Variants in TYRP1 observed in about 807,000 individuals in gnomAD.
The protein encoded by TYRP1 is 5,6-dihydroxyindole-2-carboxylic acid oxidase.
Under a neutral mutation model 42.8 loss-of-function variants are expected in TYRP1, and 49 were observed. That is an observed-to-expected ratio of 1.14 (90% CI 0.91 to 1.45). The LOEUF is 1.45. Ranked by LOEUF, TYRP1 falls within the 40% of genes most tolerant of loss-of-function variation. The pLI, the probability that TYRP1 is intolerant of heterozygous loss-of-function variation, is 0.00. For missense variants in TYRP1, 848 were observed against 662.0 expected, an observed-to-expected ratio of 1.28 and a Z score of -3.08; for synonymous variants, 279 against 235.4, an observed-to-expected ratio of 1.19 and a Z score of -1.69.
intron 4 of TYRP1, among the ~76,000 whole-genome samples, chr9:12,701,015 G>C (rs754430241): frequency 2.6e-5 from 4 of 151,980 alleles, no homozygotes; most frequent in Non-Finnish European, 5.9e-5. Context: ...AATATGAGTT[G>C]AAGTTGTAAA....
In TYRP1 at chr9:12,698,523, T is replaced by C. The variant is rs370404984; in HGVS notation, c.781T>C (p.Cys261Arg). 3.7e-6 allele frequency: 6 copies of C among 1,613,758 alleles called. No homozygotes were observed. The South Asian group carries it at 6.6e-5, about 18-fold the overall frequency. ...AACGGGGAAAAATGTCTGTGATATC[T>C]GCACGGATGACTTGATGGGATCCAG... ...FATGKNVCDI[C>R]TDDLMGSRSN... is the part of the protein sequence containing the mutation. The change falls in exon 4 of 8, where the codon TGC (cysteine) becomes CGC (arginine). Residue 261 changes from cysteine (C) to arginine (R), a missense_variant. By Grantham distance (180) the Cys-to-Arg change is radical. Coordinates refer to ENST00000388918, the MANE Select transcript of TYRP1 (RefSeq NM_000550.3).
At chr9:12,708,915 C>T (rs1818306212) in intron 7 of TYRP1, 62 bp from the exon 8 acceptor site, 1 of 1,419,774 alleles carries the variant, frequency 7.0e-7, no homozygotes, top group African/African-American at 1.4e-5. Context: ...TTCATCTGTC[C>T]ACTTTTTGGT....
intron 3 of TYRP1, 102 bp from the exon 4 acceptor site, chr9:12,698,349 C>A: frequency 8.6e-7 from 1 of 1,161,146 alleles, no homozygotes; most frequent in Non-Finnish European, 1.3e-6. Context: ...ACCTTATTGT[C>A]TGAAGAGAGC....
chr9:12,698,275 A>T (rs1294430478), intron 3 of TYRP1, among the ~76,000 whole-genome samples, 176 bp from the exon 4 acceptor site: 1 of 152,142 alleles, frequency 6.6e-6, no homozygotes, highest in Non-Finnish European at 1.5e-5. Context: ...ATAAATTACC[A>T]GCTTTGTTAA....
At position 12,708,063 on chromosome 9, in the gene TYRP1, T is replaced by C. The variant is rs1818288930; in HGVS notation, c.1328T>C (p.Phe443Ser). ...AATAGACAATACAACATGGTGCCAT[T>C]CTGGCCCCCAGTCACCAACACAGAA... ...GHNRQYNMVP[F>S]WPPVTNTEMF... The change falls in exon 7 of 8, where the codon TTC becomes TCC. Residue 443 changes from phenylalanine (F) to serine (S), a missense_variant. Coordinates refer to ENST00000388918, the MANE Select transcript of TYRP1 (RefSeq NM_000550.3). 2 of 1,612,716 alleles carry C rather than the reference T, an allele frequency of 1.2e-6. No homozygotes were observed. Among genetic ancestry groups the C allele is most frequent in the African/African-American group, 2.7e-5 (2 of 74,852 alleles).
chr9:12,709,122 G>A lies in TYRP1; in HGVS notation c.1554G>A (p.Gln518=), dbSNP rs41305647. 1.2e-6 allele frequency: 2 copies of A among 1,612,584 alleles called. No homozygotes were observed. Among genetic ancestry groups the A allele is most frequent in the African/African-American group, 2.7e-5 (2 of 74,794 alleles). Residue 518 remains glutamine, a synonymous_variant, in exon 8 of 8, where the codon CAG becomes CAA. Transcript: ENST00000388918. ...CTAACCAGCCTCTCCTCACTGATCA[G>A]TATCAATGCTATGCTGAAGAATATG... The part of the protein sequence containing the change: ...DEANQPLLTD[Q]YQCYAEEYEK...
In TYRP1 at chr9:12,709,169, A is replaced by C. The variant is rs755929053; in HGVS notation, c.1601A>C (p.Gln534Pro). 1.2e-6 allele frequency: 2 copies of C among 1,612,364 alleles called. No individual in the cohort carries two copies. Among genetic ancestry groups the C allele is most frequent in the Non-Finnish European group, 1.7e-6 (2 of 1,178,926 alleles). The part of the protein sequence containing the change: ...EEYEKLQNPN[Q>P]SVV The stretch of plus-strand genomic sequence containing the variant: ...TATGAAAAACTCCAGAATCCTAATC[A>C]GTCTGTGGTCTAACAAATGCCCTAC... The change falls in exon 8 of 8, where the codon CAG becomes CCG. Residue 534 changes from glutamine to proline, a missense_variant. Coordinates refer to ENST00000388918, the MANE Select transcript of TYRP1 (RefSeq NM_000550.3).
At position 12,694,170 on chromosome 9, in the gene TYRP1, A is replaced by G; in HGVS notation, c.174A>G (p.Ser58=). The G allele has an allele frequency of 6.2e-7, 1 of 1,614,044 alleles. No individual in the cohort carries two copies. The highest frequency in any genetic ancestry group is 8.5e-7 in the Non-Finnish European group (1 of 1,180,008). Residue 58 remains serine (S), a synonymous_variant, in exon 2 of 8, where the codon TCA becomes TCG. Coordinates refer to ENST00000388918, the MANE Select transcript of TYRP1 (RefSeq NM_000550.3). ...VSGPGTDRCG[S]SSGRGRCEAV... ...GGCCTGGGACAGACCGCTGTGGCTC[A>G]TCATCAGGGAGGGGCAGATGTGAGG...
Position 12,709,044 on chromosome 9 carries a change from C to G in TYRP1, c.1476C>G (p.Leu492=), listed in dbSNP as rs1412690130. 1.8e-5 allele frequency: 29 copies of G among 1,612,786 alleles called. 1 individual carries two copies. Among genetic ancestry groups the G allele is most frequent in the Non-Finnish European group, 2.5e-5 (29 of 1,179,268 alleles). Residue 492 remains leucine (L), a synonymous_variant, in exon 8 of 8, where the codon CTC becomes CTG. Transcript: ENST00000388918. ...TTGGCGCTTTGTTACTGGTTGCACT[C>G]ATTTTTGGGACTGCTTCTTATCTGA... The part of the protein sequence containing the change: ...AVVGALLLVA[L]IFGTASYLIR...
chr9:12,704,786 C>G (rs1443763218), intron 6 of TYRP1, 81 bp downstream of exon 6: 13 of 1,393,232 alleles, frequency 9.3e-6, no homozygotes, highest in Non-Finnish European at 1.2e-5. Context: ...AAGCTGAGCA[C>G]TCAGCGCATA....
At chr9:12,698,144 T>A (rs1818106401) in intron 3 of TYRP1, among the ~76,000 whole-genome samples, 1 of 152,096 alleles carries the variant, frequency 6.6e-6, no homozygotes, top group Non-Finnish European at 1.5e-5. Flanking sequence ...ATAACCAATA[T>A]AAATGTAATT....
chr9:12,697,400 A>T (rs1346991050), intron 3 of TYRP1, among the ~76,000 whole-genome samples: 1 of 152,152 alleles, frequency 6.6e-6, no homozygotes. Flanking sequence ...ATCCCTTGGA[A>T]GCTGTCACTA....
intron 7 of TYRP1, 132 bp downstream of exon 7, chr9:12,708,275 T>G: frequency 8.8e-7 from 1 of 1,134,444 alleles, no homozygotes; most frequent in Middle Eastern, 2.3e-4. Flanking sequence ...TGTACTTTTA[T>G]TTGAGGATAA....
intron 1 of TYRP1, 66 bp from the exon 2 acceptor site, chr9:12,693,846 A>G: frequency 1.0e-6 from 1 of 959,840 alleles, no homozygotes; most frequent in East Asian, 2.4e-5. Context: ...TGGTTTGGGA[A>G]GGGGGCATAC....
intron 6 of TYRP1, among the ~76,000 whole-genome samples, chr9:12,706,576 GA>G (rs1818262046): frequency 1.3e-5 from 2 of 151,904 alleles, no homozygotes; most frequent in South Asian, 4.1e-4. Flanking sequence ...TAAAAAATAG[GA>G]AACTACCCTG....
Position 12,694,130 on chromosome 9 carries a change from T to C in TYRP1, c.134T>C (p.Leu45Pro), listed in dbSNP as rs1277773266. 5 of 1,614,114 alleles carry C rather than the reference T, an allele frequency of 3.1e-6. No individual in the cohort carries two copies. The highest frequency in any genetic ancestry group is 4.2e-6 in the Non-Finnish European group (5 of 1,180,020). The change falls in exon 2 of 8, where the codon CTG becomes CCG. Residue 45 changes from leucine (L) to proline (P), a missense_variant. Leu to Pro is a moderately conservative substitution (Grantham distance 98, BLOSUM62 -3). Transcript: ENST00000388918. ...AGAAGTGGTATGTGTTGCCCAGACC[T>C]GTCCCCTGTGTCTGGGCCTGGGACA... is the stretch of plus-strand genomic sequence containing the variant. ...ALRSGMCCPD[L>P]SPVSGPGTDR... is the part of the protein sequence containing the mutation.
At chr9:12,695,069 C>T (rs1361893478) in intron 2 of TYRP1, among the ~76,000 whole-genome samples, 1 of 151,918 alleles carries the variant, frequency 6.6e-6, no homozygotes, top group East Asian at 1.9e-4. Flanking sequence ...TTATTTTTAT[C>T]CACATTTTAA....
intron 6 of TYRP1, among the ~76,000 whole-genome samples, chr9:12,706,948 C>G (rs1818268118): frequency 6.6e-6 from 1 of 151,884 alleles, no homozygotes. Context: ...AAAAATTACA[C>G]TTTACAGATA....
intron 4 of TYRP1, chr9:12,700,569 C>T (rs765267981): frequency 3.3e-5 from 5 of 151,942 alleles, no homozygotes; most frequent in Non-Finnish European, 5.9e-5. Flanking sequence ...GACTTTGGTC[C>T]ATAGGATGTT....
Sources: gnomAD v4.1 joint callset for allele counts (sites outside exome capture counted in the v4.1 genomes callset) on GRCh38, gnomAD v4.1.1 for gene constraint, MANE v1.5 for transcripts, NCBI Gene and HGNC (gene_info 2026-07-23, HGNC 2026-07-21) for gene names.